CLSPN: variants seen among roughly 807,000 people sequenced by gnomAD.
CLSPN encodes claspin homolog.
In CLSPN, 85 loss-of-function variants were observed where a neutral mutation model predicts 156.3. That is an observed-to-expected ratio of 0.54 (90% confidence interval 0.46 to 0.65). The LOEUF is 0.65. CLSPN is among the 30% of genes least tolerant of loss of function. The pLI, the probability that CLSPN is intolerant of heterozygous loss-of-function variation, is 0.00. For synonymous variants in CLSPN, 534 were observed against 542.4 expected (o/e 0.98, Z 0.22); for missense variants, 1,407 against 1,554.9 (o/e 0.90, Z 1.60).
intron 1 of CLSPN, among the ~76,000 whole-genome samples, chr1:35,766,841 G>A (rs937593933): frequency 1.3e-5 from 2 of 151,558 alleles, no homozygotes; most frequent in African/African-American, 2.4e-5. Flanking sequence ...TACAACCTCC[G>A]CCTCCTGGGT....
At chr1:35,752,398 C>A (rs1396470021) in intron 9 of CLSPN, among the ~76,000 whole-genome samples, 2 of 151,880 alleles carry the variant, frequency 1.3e-5, no homozygotes, top group Non-Finnish European at 2.9e-5. Flanking sequence ...GCCAACATAG[C>A]GAAACTTCAT....
At chr1:35,755,655 C>T (rs534929594) in intron 8 of CLSPN, among the ~76,000 whole-genome samples, 16 of 152,224 alleles carry the variant, frequency 1.1e-4, no homozygotes, top group African/African-American at 3.9e-4. Context: ...GATCCACCCT[C>T]CTCAGCCTCC....
chr1:35,758,623 T>C (rs146350683), intron 8 of CLSPN, among the ~76,000 whole-genome samples: 1 of 151,674 alleles, frequency 6.6e-6, no homozygotes, highest in Non-Finnish European at 1.5e-5. Flanking sequence ...CCAGCCTAGG[T>C]GGCAAGAGCA....
chr1:35,769,147 A>T (rs922154394), intron 1 of CLSPN, among the ~76,000 whole-genome samples: 33 of 152,314 alleles, frequency 2.2e-4, no homozygotes, highest in African/African-American at 7.5e-4. Context: ...TTGGTTTTTT[A>T]AAAATATTGC....
intron 14 of CLSPN, among the ~76,000 whole-genome samples, chr1:35,747,282 A>G (rs1641923773): frequency 6.6e-6 from 1 of 152,072 alleles, no homozygotes; most frequent in Non-Finnish European, 1.5e-5. Flanking sequence ...AGATCGCGCC[A>G]CTGCACTCCA....
At chr1:35,722,776 C>A (rs922654927) in intron 24 of CLSPN, among the ~76,000 whole-genome samples, 1 of 151,880 alleles carries the variant, frequency 6.6e-6, no homozygotes, top group Admixed American at 6.6e-5. Flanking sequence ...AGACTACAGG[C>A]GTGTGCCACT....
chr1:35,764,586 T>C lies in CLSPN; in HGVS notation c.262A>G (p.Asn88Asp), dbSNP rs201606744. ...TTCCCAGCATATAAATTCTCTTTAT[T>C]TTCCTCCTCGGCACTGTCATAGGTA... ...KTTYDSAEEE[N>D]KENLYAGKNT... The change falls in exon 3 of 25, where the codon AAT becomes GAT. Residue 88 changes from asparagine to aspartate, a missense_variant. Asn to Asp is a conservative substitution (Grantham distance 23). Coordinates refer to ENST00000318121, the MANE Select transcript of CLSPN (RefSeq NM_022111.4). 1.8e-5 allele frequency: 29 copies of C among 1,613,900 alleles called. No homozygotes were observed. In the South Asian group the frequency reaches 2.3e-4, roughly 13 times the overall value.
At chr1:35,751,701 G>C (rs1337127824) in intron 9 of CLSPN, among the ~76,000 whole-genome samples, 195 bp from the exon 10 acceptor site, 2 of 151,980 alleles carry the variant, frequency 1.3e-5, no homozygotes, top group Non-Finnish European at 2.9e-5. Flanking sequence ...ACCCTAGATA[G>C]TATACTACTC....
At chr1:35,743,649 A>C (rs1201406309) in intron 16 of CLSPN, 119 bp from the exon 17 acceptor site, 1 of 696,556 alleles carries the variant, frequency 1.4e-6, no homozygotes, top group Non-Finnish European at 2.5e-6. Flanking sequence ...TCTCTGAGAC[A>C]GTCTTGGTCT....
In CLSPN at chr1:35,733,547, C is replaced by T. The variant is rs1641373560; in HGVS notation, c.*2949G>A. On this transcript the variant is annotated 3_prime_UTR_variant, in exon 25 of 25. Coordinates refer to ENST00000318121, the MANE Select transcript of CLSPN (RefSeq NM_022111.4). ...GGAAGAAATATCTAGCCTTCCTGCT[C>T]AGTTCTCTTTTGCCCAGCAAGGGCT... 5.1e-6 allele frequency: 5 copies of T among 985,276 alleles called. No individual in the cohort carries two copies. Among genetic ancestry groups the T allele is most frequent in the South Asian group, 9.4e-5 (2 of 21,286 alleles). 61.0% of individuals were successfully genotyped at this position (985,276 alleles called of 1,614,324 possible).
At chr1:35,743,395 C>G in intron 17 of CLSPN, 60 bp downstream of exon 17, 1 of 1,472,966 alleles carries the variant, frequency 6.8e-7, no homozygotes, top group Non-Finnish European at 9.4e-7. Context: ...GGGAAAAAAA[C>G]ACTTGAGGGC....
rs1641542340 is a variant in CLSPN, at chr1:35,738,112, AAATATATATAT to A, written c.3559-26_3559-16del. On this transcript the variant is annotated splice_polypyrimidine_tract_variant and intron_variant, in intron 21 of 24. Coordinates refer to ENST00000318121, the MANE Select transcript of CLSPN (RefSeq NM_022111.4). Reference sequence around the variant, plus strand: ...CCCTGCTGTGCCTGAAAAAAAAAAAAAATATATATATATATATATATATATATACAGCATTA... The same window carrying A: ...CCCTGCTGTGCCTGAAAAAAAAAAAAATATATATATATATATACAGCATTA... 2.4e-4 allele frequency: 116 copies of A among 479,192 alleles called. No individual in the cohort carries two copies. The highest frequency in any genetic ancestry group is 1.7e-3 in the East Asian group (12 of 6,938). The allele number at this position is 479,192 out of a possible 1,614,324, so 29.7% of individuals were successfully genotyped here. A position where few individuals can be genotyped will look rare whatever the true frequency, so the allele number is the denominator to read the frequency against.
At chr1:35,742,124 T>C (rs1641716805) in intron 18 of CLSPN, among the ~76,000 whole-genome samples, 1 of 146,206 alleles carries the variant, frequency 6.8e-6, no homozygotes, top group African/African-American at 2.6e-5. Flanking sequence ...CTACAAAAAA[T>C]AGAAAGAATT....
chr1:35,734,718 GA>G lies in CLSPN; in HGVS notation c.*1777del, dbSNP rs1021056152. On this transcript the variant is annotated 3_prime_UTR_variant, in exon 25 of 25. Coordinates refer to ENST00000318121, the MANE Select transcript of CLSPN (RefSeq NM_022111.4). Reference sequence around the variant, plus strand: ...AAAGAAAAGAAAAGAAAAAGAAAAAGAAAAGAAAAGAAAAACTGTAAAAAAC... The same window carrying G: ...AAAGAAAAGAAAAGAAAAAGAAAAAGAAAGAAAAGAAAAACTGTAAAAAAC... The G allele has an allele frequency of 1.8e-5, 17 of 932,586 alleles. No individual in the cohort carries two copies. The highest frequency in any genetic ancestry group is 2.0e-5 in the Non-Finnish European group (16 of 784,136). The allele number at this position is 932,586 out of a possible 1,614,324, so 57.8% of individuals were successfully genotyped here.
chr1:35,742,301 A>C (rs949146604), intron 18 of CLSPN, among the ~76,000 whole-genome samples: 2 of 152,152 alleles, frequency 1.3e-5, no homozygotes, highest in African/African-American at 4.8e-5. Context: ...TCTTGGGTAA[A>C]TTTAATCTTT....
Position 35,735,284 on chromosome 1 carries a change from T to TA in CLSPN, c.*1211dup, listed in dbSNP as rs1641426843. ...AGTCTTTCTGACTTGGGTACCAGTT[T>TA]AAGTCCTTATTAAGCAGCAAAAATT... On this transcript the variant is annotated 3_prime_UTR_variant, in exon 25 of 25. Transcript: ENST00000318121. 1 of 985,430 alleles carries TA rather than the reference T, an allele frequency of 1.0e-6. No homozygotes were observed. The allele number at this position is 985,430 out of a possible 1,614,324, so 61.0% of individuals were successfully genotyped here.
chr1:35,759,268 A>C (rs540668835), intron 8 of CLSPN, among the ~76,000 whole-genome samples: 1 of 152,370 alleles, frequency 6.6e-6, no homozygotes, highest in East Asian at 1.9e-4. Flanking sequence ...TATAAAGGGA[A>C]GGCAGTGAAC....
Position 35,764,346 on chromosome 1 carries a change from T to A in CLSPN, c.502A>T (p.Lys168Ter). 6.2e-7 allele frequency: 1 copy of A among 1,606,368 alleles called. No homozygotes were observed. Among genetic ancestry groups the A allele is most frequent in the Non-Finnish European group, 8.5e-7 (1 of 1,178,284 alleles). The change falls in exon 3 of 25, where the codon AAA becomes TAA. Residue 168 changes from lysine (K) to a stop codon, truncating the protein, a stop_gained. Coordinates refer to ENST00000318121, the MANE Select transcript of CLSPN (RefSeq NM_022111.4). LOFTEE classifies it high-confidence loss of function. ...KEGTAGKAKV[K>*]SKRRLEKEER... ...TCTTTCTCAAGTCTTCTTTTTGATT[T>A]TACTTTTGCTTTTCCTGCAGTTCCT...
intron 16 of CLSPN, 112 bp downstream of exon 16, chr1:35,745,339 T>A: frequency 1.4e-6 from 1 of 737,018 alleles, no homozygotes; most frequent in Non-Finnish European, 2.3e-6. Context: ...TATATGAGAC[T>A]CAAATCCACT....
Sources: gnomAD v4.1 joint callset for allele counts (sites outside exome capture counted in the v4.1 genomes callset) on GRCh38, gnomAD v4.1.1 for gene constraint, MANE v1.5 for transcripts, NCBI Gene and HGNC (gene_info 2026-07-23, HGNC 2026-07-21) for gene names.